Variants in ATP9B observed in about 807,000 individuals in gnomAD.
ATP9B encodes ATPase phospholipid transporting 9B, also known as probable phospholipid-transporting ATPase IIB.
ATP9B carries 110 observed loss-of-function variants against 146.1 expected under a neutral mutation model. The ratio of observed to expected loss-of-function variants is 0.75; its 90% CI spans 0.65 to 0.88. ATP9B has a LOEUF of 0.88. Ranked by LOEUF, ATP9B falls within the 40% of genes least tolerant of loss-of-function variation. ATP9B has a pLI of 0.00. For missense variants in ATP9B, 1,499 were observed against 1,496.4 expected (o/e 1.00, Z -0.03); for synonymous variants, 604 against 569.7 (o/e 1.06, Z -0.86).
At chr18:79,249,674 A>G (rs1416120875) in intron 11 of ATP9B, among the ~76,000 whole-genome samples, 1 of 152,204 alleles carries the variant, frequency 6.6e-6, no homozygotes, top group Non-Finnish European at 1.5e-5. Flanking sequence ...TTTATAAGTT[A>G]ACTGGTTTTT....
intron 19 of ATP9B, among the ~76,000 whole-genome samples, chr18:79,337,854 G>A (rs560431436): frequency 6.6e-6 from 1 of 152,332 alleles, no homozygotes; most frequent in Non-Finnish European, 1.5e-5. Flanking sequence ...GGGTTGGCCG[G>A]CACTCGTGCC....
chr18:79,107,105 C>T (rs1260054427), intron 2 of ATP9B, among the ~76,000 whole-genome samples: 1 of 152,142 alleles, frequency 6.6e-6, no homozygotes, highest in African/African-American at 2.4e-5. Context: ...ATATCTGAGT[C>T]CGTTCCTGAA....
At chr18:79,376,023 G>T in intron 29 of ATP9B, 1 of 985,176 alleles carries the variant, frequency 1.0e-6, no homozygotes, top group East Asian at 1.1e-4. Context: ...CTGTGGAGAT[G>T]CTGGGAGGGT....
At chr18:79,285,718 C>T (rs1350517427) in intron 13 of ATP9B, among the ~76,000 whole-genome samples, 5 of 152,166 alleles carry the variant, frequency 3.3e-5, no homozygotes, top group African/African-American at 1.2e-4. Flanking sequence ...ATGGTAATGC[C>T]TAGGTTCTCT....
chr18:79,084,662 G>A (rs142016179), intron 1 of ATP9B, among the ~76,000 whole-genome samples: 1 of 152,262 alleles, frequency 6.6e-6, no homozygotes, highest in East Asian at 1.9e-4. Context: ...GCTTTCATAT[G>A]AGCTTTACAT....
chr18:79,256,284 T>TATATATATATATATACATATAC (rs1217998447), intron 12 of ATP9B, among the ~76,000 whole-genome samples: 34 of 122,890 alleles, frequency 2.8e-4, no homozygotes, highest in Admixed American at 1.5e-3. Context: ...TATATATATA[T>TATATATATATATATACATATAC]ATACATACAT....
At chr18:79,119,028 G>A (rs1048139118) in intron 4 of ATP9B, among the ~76,000 whole-genome samples, 2 of 150,664 alleles carry the variant, frequency 1.3e-5, no homozygotes, top group Admixed American at 6.6e-5. Context: ...CCATGATTGC[G>A]CCACTGCACT....
chr18:79,126,240 C>G, intron 4 of ATP9B, 27 bp from the exon 5 acceptor site: 1 of 1,547,516 alleles, frequency 6.5e-7, no homozygotes, highest in Non-Finnish European at 8.8e-7. Flanking sequence ...GTTTAGTTTT[C>G]TAAAAATACC....
At chr18:79,256,903 C>T (rs2096087607) in intron 12 of ATP9B, among the ~76,000 whole-genome samples, 1 of 152,130 alleles carries the variant, frequency 6.6e-6, no homozygotes. Flanking sequence ...AGGATAAGGG[C>T]TTTTAGCAGG....
intron 26 of ATP9B, chr18:79,360,366 A>G (rs1439403851): frequency 6.6e-6 from 1 of 152,060 alleles, no homozygotes; most frequent in African/African-American, 2.4e-5. Flanking sequence ...AAAGAATTAG[A>G]TTAGGCATTA....
At chr18:79,304,696 G>A (rs1157842504) in intron 14 of ATP9B, among the ~76,000 whole-genome samples, 3 of 152,182 alleles carry the variant, frequency 2.0e-5, no homozygotes, top group Non-Finnish European at 4.4e-5. Context: ...GCACCTCAGA[G>A]CCACCACACT....
At chr18:79,327,529 CGTGGTT>C (rs1568696962) in intron 15 of ATP9B, among the ~76,000 whole-genome samples, 4 of 125,812 alleles carry the variant, frequency 3.2e-5, no homozygotes, top group African/African-American at 9.4e-5. Context: ...GCGTGCTCTC[CGTGGTT>C]AGCGTGCTCT....
At position 79,296,392 on chromosome 18, in the gene ATP9B, G is replaced by GT. The variant is rs369419727; in HGVS notation, c.1412-7206dup. On this transcript the variant is annotated intron_variant, in intron 13 of 29. Coordinates refer to ENST00000426216, the MANE Select transcript of ATP9B (RefSeq NM_198531.5). ...AAAATCAATTACTGTAAATTGTGTG[G>GT]TTTTTTCCTAAAGATCTTGTGTGGC... Among the ~76,000 whole-genome samples the GT allele has an allele frequency of 2.5e-3, 386 of 152,306 alleles. 1 individual carries two copies. Among genetic ancestry groups the GT allele is most frequent in the African/African-American group, 7.4e-3 (309 of 41,560 alleles).
At chr18:79,329,748 GA>G (rs1438365563) in intron 16 of ATP9B, among the ~76,000 whole-genome samples, 1 of 152,184 alleles carries the variant, frequency 6.6e-6, no homozygotes, top group Non-Finnish European at 1.5e-5. Context: ...TTAAGAGAAT[GA>G]ATGCAACTCA....
intron 9 of ATP9B, among the ~76,000 whole-genome samples, chr18:79,195,346 C>T (rs2095408516): frequency 6.6e-6 from 1 of 152,194 alleles, no homozygotes; most frequent in Non-Finnish European, 1.5e-5. Flanking sequence ...CTCCTAGGCT[C>T]ACACAGTCCT....
intron 11 of ATP9B, among the ~76,000 whole-genome samples, chr18:79,217,329 C>T (rs1255320648): frequency 1.3e-5 from 2 of 152,166 alleles, no homozygotes; most frequent in Non-Finnish European, 2.9e-5. Context: ...GGACTACAGG[C>T]GTCCACCGCC....
intron 14 of ATP9B, among the ~76,000 whole-genome samples, chr18:79,304,700 C>A (rs917976005): frequency 2.0e-5 from 3 of 152,196 alleles, no homozygotes; most frequent in Admixed American, 6.5e-5. Flanking sequence ...CTCAGAGCCA[C>A]CACACTGAGC....
chr18:79,204,996 G>T (rs1408943693), intron 9 of ATP9B, among the ~76,000 whole-genome samples: 1 of 152,080 alleles, frequency 6.6e-6, no homozygotes, highest in African/African-American at 2.4e-5. Flanking sequence ...CAAAGGCTCA[G>T]ACGCTAAGGT....
At chr18:79,368,872 C>T (rs1035848592) in intron 26 of ATP9B, among the ~76,000 whole-genome samples, 9 of 151,950 alleles carry the variant, frequency 5.9e-5, no homozygotes, top group African/African-American at 1.5e-4. Flanking sequence ...AGGCACTGAA[C>T]GGCAGGAAGC....
Sources: allele counts gnomAD v4.1 joint callset (sites outside exome capture counted in the v4.1 genomes callset), GRCh38; gene constraint gnomAD v4.1.1; transcripts MANE v1.5; gene names NCBI Gene and HGNC (gene_info 2026-07-23, HGNC 2026-07-21).